PTPRD: variants seen among roughly 807,000 people sequenced by gnomAD.
PTPRD encodes the protein receptor-type tyrosine-protein phosphatase delta.
PTPRD carries 34 observed loss-of-function variants against 214.5 expected under a neutral mutation model. The observed-to-expected ratio is 0.16, with a 90% CI of 0.12 to 0.21. The LOEUF is 0.21. Among genes scored for constraint, PTPRD ranks in the 10% least tolerant of loss-of-function variants. The probability of loss-of-function intolerance (pLI) is 1.00; values close to 1 mark genes in which losing one functional copy is unlikely to be tolerated. For synonymous variants in PTPRD, 1,128 were observed against 845.7 expected (o/e 1.33, Z -5.79); for missense variants, 2,545 against 2,398.7 (o/e 1.06, Z -1.27).
At chr9:10,562,141 G>A (rs1274548849) in intron 2 of PTPRD, among the ~76,000 whole-genome samples, 3 of 152,042 alleles carry the variant, frequency 2.0e-5, no homozygotes, top group Non-Finnish European at 1.5e-5. Context: ...CATCCTATAT[G>A]TGAGACATCC....
At chr9:9,132,654 G>T (rs1335563541) in intron 10 of PTPRD, among the ~76,000 whole-genome samples, 1 of 152,066 alleles carries the variant, frequency 6.6e-6, no homozygotes, top group Non-Finnish European at 1.5e-5. Context: ...TTAATTAAAA[G>T]GATGTTTGAT....
At chr9:9,081,929 G>C (rs2099759744) in intron 10 of PTPRD, among the ~76,000 whole-genome samples, 1 of 150,688 alleles carries the variant, frequency 6.6e-6, no homozygotes, top group Non-Finnish European at 1.5e-5. Flanking sequence ...TCAAATCCCT[G>C]AATAGACCAT....
intron 4 of PTPRD, among the ~76,000 whole-genome samples, chr9:9,940,533 C>G (rs77970309): frequency 1.3e-5 from 2 of 152,050 alleles, no homozygotes; most frequent in African/African-American, 4.8e-5. Flanking sequence ...AATTCTAGAC[C>G]GATAACTTTT....
chr9:8,494,033 C>CAT (rs1228031469), intron 26 of PTPRD, among the ~76,000 whole-genome samples: 7 of 150,456 alleles, frequency 4.7e-5, no homozygotes, highest in Non-Finnish European at 8.9e-5. Context: ...CACACACACA[C>CAT]ACACACAGCA....
At chr9:9,548,397 C>CTTTTTTTTTTTTTTTTTT (rs1184128772) in intron 8 of PTPRD, among the ~76,000 whole-genome samples, 1 of 134,602 alleles carries the variant, frequency 7.4e-6, no homozygotes. Flanking sequence ...GTATATGTGA[C>CTTTTTTTTTTTTTTTTTT]TTTTTTTCTT....
At chr9:9,625,388 G>C (rs1333531177) in intron 7 of PTPRD, among the ~76,000 whole-genome samples, 1 of 152,164 alleles carries the variant, frequency 6.6e-6, no homozygotes, top group African/African-American at 2.4e-5. Flanking sequence ...CATGCTGTTA[G>C]AGTGGCTAGG....
intron 39 of PTPRD, among the ~76,000 whole-genome samples, chr9:8,347,606 T>C (rs1455687493): frequency 6.6e-6 from 1 of 152,162 alleles, no homozygotes; most frequent in East Asian, 1.9e-4. Context: ...GAATTGTGTT[T>C]TTCTTCTCAA....
intron 14 of PTPRD, among the ~76,000 whole-genome samples, chr9:8,627,090 A>G (rs982677032): frequency 1.6e-4 from 24 of 151,646 alleles, no homozygotes; most frequent in Admixed American, 1.3e-3. Context: ...GCCCCAACCC[A>G]GCAGTCTCCT....
intron 9 of PTPRD, among the ~76,000 whole-genome samples, chr9:9,275,097 TATATA>T (rs139236835): frequency 0.077 from 5,779 of 75,362 alleles, 303 homozygotes; most frequent in Non-Finnish European, 0.099. Context: ...ATATGTTATA[TATATA>T]ATATATTATA....
intron 11 of PTPRD, among the ~76,000 whole-genome samples, chr9:8,814,321 C>A (rs532745926): frequency 4.6e-5 from 7 of 152,162 alleles, no homozygotes; most frequent in African/African-American, 1.4e-4. Flanking sequence ...CTACAGAATG[C>A]GTGAGGGCAG....
intron 35 of PTPRD, among the ~76,000 whole-genome samples, chr9:8,405,741 G>A (rs750439954): frequency 1.3e-5 from 2 of 151,956 alleles, no homozygotes; most frequent in Non-Finnish European, 2.9e-5. Context: ...TTATACCCAG[G>A]TAATTTTTTT....
chr9:8,729,460 T>A (rs940540525), intron 12 of PTPRD, among the ~76,000 whole-genome samples: 2 of 145,960 alleles, frequency 1.4e-5, no homozygotes, highest in African/African-American at 2.5e-5. Flanking sequence ...AAAAAAAAAA[T>A]TAGCACAGTG....
intron 7 of PTPRD, among the ~76,000 whole-genome samples, chr9:9,671,112 C>T (rs1201491898): frequency 6.6e-6 from 1 of 152,168 alleles, no homozygotes; most frequent in African/African-American, 2.4e-5. Context: ...CTGTACCCTA[C>T]AAAGCCACAG....
At chr9:8,478,909 T>C (rs929567600) in intron 30 of PTPRD, among the ~76,000 whole-genome samples, 1 of 152,226 alleles carries the variant, frequency 6.6e-6, no homozygotes, top group Non-Finnish European at 1.5e-5. Flanking sequence ...AATGACAGCA[T>C]GGTTTCTGTT....
intron 11 of PTPRD, among the ~76,000 whole-genome samples, chr9:8,737,674 A>T (rs1420953105): frequency 6.6e-6 from 1 of 152,124 alleles, no homozygotes; most frequent in Non-Finnish European, 1.5e-5. Flanking sequence ...CTTGAGACAG[A>T]GTCTCACTCT....
chr9:10,272,159 C>T (rs2094457474), intron 3 of PTPRD, among the ~76,000 whole-genome samples: 1 of 152,110 alleles, frequency 6.6e-6, no homozygotes, highest in African/African-American at 2.4e-5. Context: ...CTCTCTATAT[C>T]TACTGGCCTA....
intron 21 of PTPRD, among the ~76,000 whole-genome samples, chr9:8,511,013 T>G (rs532364043): frequency 5.3e-5 from 8 of 152,240 alleles, no homozygotes; most frequent in Admixed American, 2.0e-4. Flanking sequence ...TTTCTCTCTA[T>G]ATATGTATTT....
intron 8 of PTPRD, among the ~76,000 whole-genome samples, chr9:9,544,107 A>T (rs1040961882): frequency 1.3e-5 from 2 of 151,632 alleles, no homozygotes; most frequent in African/African-American, 4.8e-5. Flanking sequence ...CTTGGTTTGA[A>T]TTAAACTTAA....
At chr9:8,447,853 C>G (rs2095795702) in intron 34 of PTPRD, among the ~76,000 whole-genome samples, 1 of 152,246 alleles carries the variant, frequency 6.6e-6, no homozygotes, top group Admixed American at 6.5e-5. Context: ...GAGCTAGCAG[C>G]AAGGTACTGA....
Sources: allele counts gnomAD v4.1 joint callset (sites outside exome capture counted in the v4.1 genomes callset), GRCh38; gene constraint gnomAD v4.1.1; transcripts MANE v1.5; gene names NCBI Gene and HGNC (gene_info 2026-07-23, HGNC 2026-07-21).